STRN4: variants seen among roughly 807,000 people sequenced by gnomAD.
STRN4 encodes the protein striatin 4, also known as striatin-4.
A neutral mutation model predicts 77.9 loss-of-function variants in STRN4; 27 were observed. The ratio of observed to expected loss-of-function variants is 0.35; its 90% CI spans 0.26 to 0.48. The LOEUF is 0.48. Among genes scored for constraint, STRN4 ranks in the 20% least tolerant of loss-of-function variants. The pLI is 0.99. For missense variants in STRN4, 798 were observed against 1,049.7 expected (o/e 0.76, Z 3.31); for synonymous variants, 466 against 443.1 (o/e 1.05, Z -0.65).
At chr19:46,746,038 C>CCCCCG in intron 1 of STRN4, 111 bp downstream of exon 1, 4 of 1,198,390 alleles carry the variant, frequency 3.3e-6, no homozygotes, top group South Asian at 2.3e-5. Flanking sequence ...CCCGCCCCCC[C>CCCCCG]GCCGGCCGTC....
At chr19:46,730,466 G>A (rs1177931816) in intron 6 of STRN4, among the ~76,000 whole-genome samples, 4 of 152,192 alleles carry the variant, frequency 2.6e-5, no homozygotes, top group African/African-American at 7.2e-5. Flanking sequence ...TGGGAAGCCC[G>A]GGGCTCAGGG....
At chr19:46,727,599 GGGCCAGGGAGAGAGAGAATGACAGAGAGA>G in intron 8 of STRN4, 53 bp from the exon 9 acceptor site, 1 of 1,457,954 alleles carries the variant, frequency 6.9e-7, no homozygotes, top group Non-Finnish European at 9.6e-7. Context: ...GGGGCAGAGA[GGGCCAGGGAGAGAGAGAATGACAGAGAGA>G]GGCAGAGAAA....
intron 16 of STRN4, 96 bp downstream of exon 16, chr19:46,721,890 G>GC: frequency 1.4e-6 from 2 of 1,397,710 alleles, no homozygotes; most frequent in Non-Finnish European, 2.0e-6. Context: ...CCCAGCCCTG[G>GC]CCCCCGGGGC....
In STRN4 at chr19:46,720,580, C is replaced by G; in HGVS notation, c.*22G>C. On this transcript the variant is annotated 3_prime_UTR_variant, in exon 17 of 18. Coordinates refer to ENST00000263280, the MANE Select transcript of STRN4 (RefSeq NM_013403.3). Reference sequence around the variant, plus strand: ...CCCTACACCCCAGCCAGCGTGGCGGCCAGGGCAGGGCCAGGTGGGCATCAT... The same window carrying G: ...CCCTACACCCCAGCCAGCGTGGCGGGCAGGGCAGGGCCAGGTGGGCATCAT... 6.5e-7 allele frequency: 1 copy of G among 1,533,818 alleles called. No individual in the cohort carries two copies. The highest frequency in any genetic ancestry group is 1.9e-5 in the Admixed American group (1 of 52,046).
At chr19:46,722,181 A>G in intron 15 of STRN4, 61 bp downstream of exon 15, 1 of 1,598,016 alleles carries the variant, frequency 6.3e-7, no homozygotes, top group Non-Finnish European at 8.6e-7. Flanking sequence ...GGACGCAAGC[A>G]TCTCTGCTGC....
rs752597680 is a variant in STRN4, at chr19:46,722,814, G to C, written c.1902C>G (p.Ser634Arg). The C allele has an allele frequency of 6.2e-7, 1 of 1,613,716 alleles. No homozygotes were observed. The highest frequency in any genetic ancestry group is 2.2e-5 in the East Asian group (1 of 44,880). ...SALLTLESRG[S>R]SGPTQINQVV... Reference sequence around the variant, plus strand: ...AGCTGATGTCAGCCCCCTTACCGCTGCTGCCCCGGGACTCCAGCGTGAGGA... The same window carrying C: ...AGCTGATGTCAGCCCCCTTACCGCTCCTGCCCCGGGACTCCAGCGTGAGGA... The change falls in exon 14 of 18, where the codon AGC becomes AGG. Residue 634 changes from serine to arginine, a missense_variant. This residue lies in a region of STRN4 where 287 missense variants were observed against 473.8 expected (regional missense o/e 0.61). Transcript: ENST00000263280.
In STRN4 at chr19:46,730,244, G is replaced by A. The variant is rs3848530; in HGVS notation, c.879+488C>T. 2.2e-3 allele frequency among the ~76,000 whole-genome samples: 332 copies of A among 152,298 alleles called. 1 individual carries two copies. Among genetic ancestry groups the A allele is most frequent in the African/African-American group, 7.4e-3 (308 of 41,566 alleles). The stretch of plus-strand genomic sequence containing the variant: ...TGCGACTCTGTGCTGAGCCACACTG[G>A]GGATACTGGAGATGCAGTGGAGGCC... On this transcript the variant is annotated intron_variant, in intron 6 of 17. Transcript: ENST00000263280.
intron 3 of STRN4, among the ~76,000 whole-genome samples, chr19:46,737,195 G>T (rs2122356156): frequency 6.6e-6 from 1 of 152,334 alleles, no homozygotes. Context: ...GGGCCGACTG[G>T]GTTCAAGCCC....
chr19:46,726,660 C>T (rs1441927932), intron 9 of STRN4, among the ~76,000 whole-genome samples: 4 of 152,156 alleles, frequency 2.6e-5, no homozygotes, highest in Admixed American at 1.3e-4. Flanking sequence ...GCTCACCCAG[C>T]AGGGGACCCG....
intron 1 of STRN4, 153 bp downstream of exon 1, chr19:46,745,996 T>A: frequency 2.1e-6 from 2 of 938,936 alleles, no homozygotes; most frequent in Non-Finnish European, 1.4e-6. Flanking sequence ...GGACGGCCCC[T>A]CACTCGCCCT....
rs137966542 is a variant in STRN4, at chr19:46,722,330, C to G, written c.1917G>C (p.Gln639His). ...LESRGSSGPT[Q>H]INQVVSHPNQ... Reference sequence around the variant, plus strand: ...TTGGATGACTCACCACTTGGTTGATCTGGGTTGGACCTGAAGGAAAACGCA... The same window carrying G: ...TTGGATGACTCACCACTTGGTTGATGTGGGTTGGACCTGAAGGAAAACGCA... Residue 639 changes from glutamine to histidine, a missense_variant, in exon 15 of 18, where the codon CAG becomes CAC. By Grantham distance (24) the Gln-to-His change is conservative. Around this residue, in one of 2 missense-constraint regions of STRN4, gnomAD observed 287 missense variants for 473.8 expected, o/e 0.61. Coordinates refer to ENST00000263280, the MANE Select transcript of STRN4 (RefSeq NM_013403.3). 6 of 1,613,966 alleles carry G rather than the reference C, an allele frequency of 3.7e-6. No individual in the cohort carries two copies. The African/African-American group carries it at 5.3e-5, about 14-fold the overall frequency.
rs773630493 is a variant in STRN4, at chr19:46,746,135, G to A, written c.282+14C>T. ...GGCCGGGTTGGGGGTCGGGGGTCCCGGGACAGCGCTCACCTGTAACTCGGC... is the reference window on the plus strand; with the variant it reads ...GGCCGGGTTGGGGGTCGGGGGTCCCAGGACAGCGCTCACCTGTAACTCGGC... On this transcript the variant is annotated intron_variant, in intron 1 of 17. Coordinates refer to ENST00000263280, the MANE Select transcript of STRN4 (RefSeq NM_013403.3). The A allele has an allele frequency of 3.3e-6, 5 of 1,495,926 alleles. No individual in the cohort carries two copies. The Admixed American group carries it at 6.5e-5, about 20-fold the overall frequency. 92.7% of individuals were successfully genotyped at this position (1,495,926 alleles called of 1,614,324 possible).
chr19:46,742,655 C>T lies in STRN4; in HGVS notation c.282+3494G>A, dbSNP rs887723156. On this transcript the variant is annotated intron_variant, in intron 1 of 17. Transcript: ENST00000263280. ...TCGGCTCACTGCAACTTCTGCTTCC[C>T]GGGTACAAGCGATTCTCCTGCCTCA... Among the ~76,000 whole-genome samples, 5 of 151,082 alleles carry T rather than the reference C, an allele frequency of 3.3e-5. No homozygotes were observed. The East Asian group carries it at 5.8e-4, about 18-fold the overall frequency.
chr19:46,746,392 G>A lies in STRN4; in HGVS notation c.39C>T (p.Ala13=), dbSNP rs1298695605. The A allele has an allele frequency of 6.4e-6, 7 of 1,087,714 alleles. No individual in the cohort carries two copies. In the South Asian group the frequency reaches 1.3e-4, roughly 20 times the overall value. The allele number at this position is 1,087,714 out of a possible 1,614,324, so 67.4% of individuals were successfully genotyped here. The change falls in exon 1 of 18, where the codon GCC becomes GCT. Residue 13 remains alanine (A), a synonymous_variant. Coordinates refer to ENST00000263280, the MANE Select transcript of STRN4 (RefSeq NM_013403.3). ...AGCCGAGCGGACGGCAGGAGGAGGC[G>A]GCGGCGGCGACCGCGGCGGCCGCTC... The part of the protein sequence containing the change: ...EERAAAAVAA[A]ASSCRPLGSG...
rs1179751288 is a variant in STRN4 at position 46,746,269 on chromosome 19, G to A, written c.162C>T (p.Pro54=). The A allele has an allele frequency of 2.0e-6, 3 of 1,472,688 alleles. No individual in the cohort carries two copies. The highest frequency in any genetic ancestry group is 3.0e-5 in the East Asian group (1 of 33,382). 91.2% of individuals were successfully genotyped at this position (1,472,688 alleles called of 1,614,324 possible). ...AGKGGGGGGS[P]GPTAGPEPLS... ...GGGGCTCCGGGCCCGCCGTGGGCCC[G>A]GGGCTGCCTCCGCCGCCGCCTCCCT... is the stretch of plus-strand genomic sequence containing the variant. The change falls in exon 1 of 18, where the codon CCC becomes CCT. Residue 54 remains proline (P), a synonymous_variant. Coordinates refer to ENST00000263280, the MANE Select transcript of STRN4 (RefSeq NM_013403.3).
At chr19:46,732,023 C>G (rs1289985273) in intron 5 of STRN4, 1 of 152,298 alleles carries the variant, frequency 6.6e-6, no homozygotes, top group Admixed American at 6.5e-5. Context: ...AACTTCCACT[C>G]CCAGGCTTCC....
rs1403289681 is a variant in STRN4 at position 46,741,411 on chromosome 19, GTCCC to G, written c.283-2527_283-2524del. 4.6e-5 allele frequency among the ~76,000 whole-genome samples: 7 copies of G among 152,276 alleles called. No homozygotes were observed. The highest frequency in any genetic ancestry group is 1.0e-4 in the Non-Finnish European group (7 of 68,020). On this transcript the variant is annotated intron_variant, in intron 1 of 17. Transcript: ENST00000263280. The surrounding 1 kb of genome is among the most constrained non-coding windows in gnomAD (Gnocchi z 4.9). ...TCTCAGCTGCCCACTCTGCTTTGCT[GTCCC>G]TTTCCCAGTGCCTCTGGAAAGAGAA... is the stretch of plus-strand genomic sequence containing the variant.
At position 46,720,684 on chromosome 19, in the gene STRN4, GCCT is replaced by G. The variant is rs780651903; in HGVS notation, c.2177_2179del (p.Glu726del). On this transcript the variant is annotated inframe_deletion, in exon 17 of 18. Transcript: ENST00000263280. ...GGGGTGGCAGGCAACAGCGTGGATG[GCCT>G]CCTCGTGCTTCTTGCGGTGGGCCGT... The G allele has an allele frequency of 1.2e-6, 2 of 1,611,026 alleles. No individual in the cohort carries two copies. The highest frequency in any genetic ancestry group is 1.7e-5 in the Admixed American group (1 of 59,682).
Position 46,738,746 on chromosome 19 carries a change from G to C in STRN4, c.386+39C>G, listed in dbSNP as rs1176061522. ...GGCCTCCTGACACTGTGCTTGAGAC[G>C]GACCCAGAAGGCAGGCCCAGGGCAG... is the stretch of plus-strand genomic sequence containing the variant. On this transcript the variant is annotated intron_variant, in intron 2 of 17. Coordinates refer to ENST00000263280, the MANE Select transcript of STRN4 (RefSeq NM_013403.3). This position sits in a 1 kb window ranked among gnomAD's most constrained non-coding sequence, Gnocchi z 4.5. 2 of 1,604,030 alleles carry C rather than the reference G, an allele frequency of 1.2e-6. No homozygotes were observed. Among genetic ancestry groups the C allele is most frequent in the Non-Finnish European group, 8.5e-7 (1 of 1,171,458 alleles).
Sources: gnomAD v4.1 joint callset for allele counts (sites outside exome capture counted in the v4.1 genomes callset) on GRCh38, gnomAD v4.1.1 for gene constraint, gnomAD v4.1.1 regional missense constraint, Gnocchi (gnomAD v3.1) non-coding constraint, MANE v1.5 for transcripts, NCBI Gene and HGNC (gene_info 2026-07-23, HGNC 2026-07-21) for gene names.